PPFIA2: variants seen among roughly 807,000 people sequenced by gnomAD.
The protein encoded by PPFIA2 is PPFI scaffold protein A2, also known as liprin-alpha-2.
In PPFIA2, 46 loss-of-function variants were observed where a neutral mutation model predicts 175.5. The ratio of observed to expected loss-of-function variants is 0.26; its 90% CI spans 0.21 to 0.34. PPFIA2 has a LOEUF of 0.34. PPFIA2 is among the 10% of genes least tolerant of loss of function. The probability of loss-of-function intolerance (pLI) is 1.00; values close to 1 mark genes in which losing one functional copy is unlikely to be tolerated. For synonymous variants in PPFIA2, 568 were observed against 511.4 expected (o/e 1.11, Z -1.49); for missense variants, 1,179 against 1,506.1 (o/e 0.78, Z 3.60).
chr12:81,306,758 T>C (rs1392288889), intron 22 of PPFIA2, among the ~76,000 whole-genome samples: 1 of 151,938 alleles, frequency 6.6e-6, no homozygotes, highest in Non-Finnish European at 1.5e-5. Context: ...GCCAGGGTGG[T>C]CTCGAACTCC....
intron 24 of PPFIA2, among the ~76,000 whole-genome samples, chr12:81,291,020 T>C (rs897985605): frequency 4.0e-5 from 6 of 151,740 alleles, no homozygotes; most frequent in African/African-American, 1.4e-4. Context: ...ACTACATTAC[T>C]AAATTTACAA....
chr12:81,338,833 C>A (rs552326321), intron 21 of PPFIA2, among the ~76,000 whole-genome samples: 1 of 151,910 alleles, frequency 6.6e-6, no homozygotes, highest in Non-Finnish European at 1.5e-5. Flanking sequence ...CACAGTTATG[C>A]GATTTATGAA....
chr12:81,612,992 C>T (rs1331918525), intron 4 of PPFIA2, among the ~76,000 whole-genome samples: 1 of 151,986 alleles, frequency 6.6e-6, no homozygotes, highest in Non-Finnish European at 1.5e-5. Flanking sequence ...GACCTTTATG[C>T]TTAAATTATA....
intron 24 of PPFIA2, among the ~76,000 whole-genome samples, chr12:81,289,881 T>C (rs2044445612): frequency 6.6e-6 from 1 of 151,700 alleles, no homozygotes; most frequent in Non-Finnish European, 1.5e-5. Flanking sequence ...GGTATCTCCA[T>C]CTCTATCCTA....
At chr12:81,437,946 T>TC (rs1300102644) in intron 7 of PPFIA2, among the ~76,000 whole-genome samples, 14 of 151,270 alleles carry the variant, frequency 9.3e-5, no homozygotes, top group African/African-American at 3.1e-4. Context: ...TTTTTTTTTT[T>TC]CCCCCAAACC....
intron 6 of PPFIA2, among the ~76,000 whole-genome samples, chr12:81,440,292 G>A (rs1275649777): frequency 6.6e-6 from 1 of 152,070 alleles, no homozygotes; most frequent in Non-Finnish European, 1.5e-5. Flanking sequence ...AGAGCTTCAG[G>A]TGGGGTTGGA....
chr12:81,502,014 G>A (rs767738440), intron 4 of PPFIA2, among the ~76,000 whole-genome samples: 4 of 152,028 alleles, frequency 2.6e-5, no homozygotes, highest in East Asian at 3.9e-4. Context: ...TGCAGTTTTC[G>A]GAACACTTCT....
chr12:81,303,518 A>G (rs2048386785), intron 22 of PPFIA2, among the ~76,000 whole-genome samples: 2 of 152,202 alleles, frequency 1.3e-5, no homozygotes, highest in African/African-American at 4.8e-5. Flanking sequence ...ACAACTTCTG[A>G]ATCATTGTGC....
intron 3 of PPFIA2, among the ~76,000 whole-genome samples, chr12:81,740,204 G>C (rs937631159): frequency 6.6e-6 from 1 of 152,102 alleles, no homozygotes; most frequent in African/African-American, 2.4e-5. Flanking sequence ...GAAAATAGTA[G>C]AGCCTTATTA....
At chr12:81,738,759 T>G (rs972241848) in intron 3 of PPFIA2, among the ~76,000 whole-genome samples, 4 of 151,734 alleles carry the variant, frequency 2.6e-5, no homozygotes, top group African/African-American at 9.7e-5. Context: ...TTACAGTAAT[T>G]ATAAAGATAC....
intron 8 of PPFIA2, among the ~76,000 whole-genome samples, chr12:81,403,727 C>T (rs1473506071): frequency 6.6e-6 from 1 of 152,100 alleles, no homozygotes; most frequent in East Asian, 1.9e-4. Flanking sequence ...GGAAAAATGC[C>T]TCCAGTAAGC....
Position 81,628,657 on chromosome 12 carries a change from G to A in PPFIA2, c.303+48134C>T, listed in dbSNP as rs781358606. ...GCCTCCCAAAGTGCTGGGATTACAG[G>A]TGTGAGACACCACGTCCAGTCATAA... On this transcript the variant is annotated intron_variant, in intron 4 of 32. Transcript: ENST00000549396. Among the ~76,000 whole-genome samples, 145 of 152,282 alleles carry A rather than the reference G, an allele frequency of 9.5e-4. 2 individuals are homozygous for A. The highest frequency in any genetic ancestry group is 9.1e-4 in the Non-Finnish European group (62 of 68,014).
At chr12:81,692,959 G>T (rs2153590339) in intron 3 of PPFIA2, among the ~76,000 whole-genome samples, 1 of 152,108 alleles carries the variant, frequency 6.6e-6, no homozygotes, top group South Asian at 2.1e-4. Context: ...TGGCCTAGTT[G>T]ACAATAATGT....
intron 32 of PPFIA2, chr12:81,260,959 A>G (rs2035281889): frequency 6.6e-6 from 1 of 152,086 alleles, no homozygotes; most frequent in African/African-American, 2.4e-5. Context: ...TACTATTAAG[A>G]CTGTTTTTCA....
At chr12:81,425,237 C>G (rs548688371) in intron 7 of PPFIA2, among the ~76,000 whole-genome samples, 12 of 152,294 alleles carry the variant, frequency 7.9e-5, no homozygotes, top group African/African-American at 2.9e-4. Context: ...GTGGTTGGAG[C>G]TTTCTGAGAA....
intron 4 of PPFIA2, among the ~76,000 whole-genome samples, chr12:81,493,806 C>A (rs2147151065): frequency 1.5e-5 from 2 of 131,862 alleles, no homozygotes; most frequent in African/African-American, 3.0e-5. Context: ...GAAAAAATAA[C>A]AGCATTTTGA....
chr12:81,694,060 A>G (rs1341702047), intron 3 of PPFIA2, among the ~76,000 whole-genome samples: 2 of 152,096 alleles, frequency 1.3e-5, no homozygotes, highest in African/African-American at 4.8e-5. Context: ...CTAAGATTGG[A>G]ATTTATGTTT....
At chr12:81,447,680 A>G (rs1457565820) in intron 5 of PPFIA2, among the ~76,000 whole-genome samples, 4 of 152,222 alleles carry the variant, frequency 2.6e-5, no homozygotes, top group Admixed American at 2.6e-4. Context: ...TTCCCATTGC[A>G]ATAAAAGCTC....
intron 5 of PPFIA2, among the ~76,000 whole-genome samples, chr12:81,452,089 C>T (rs1429430922): frequency 2.6e-5 from 4 of 152,016 alleles, no homozygotes; most frequent in African/African-American, 9.7e-5. Context: ...ACATATGTAT[C>T]ATATATTCAC....
Sources: allele counts gnomAD v4.1 joint callset (sites outside exome capture counted in the v4.1 genomes callset), GRCh38; gene constraint gnomAD v4.1.1; transcripts MANE v1.5; gene names NCBI Gene and HGNC (gene_info 2026-07-23, HGNC 2026-07-21).